APBB3: variants seen among roughly 807,000 people sequenced by gnomAD.
APBB3 encodes amyloid beta precursor protein binding family B member 3.
APBB3 carries 50 observed loss-of-function variants against 61.5 expected under a neutral mutation model. The ratio of observed to expected loss-of-function variants is 0.81; its 90% confidence interval spans 0.65 to 1.03. APBB3 has a LOEUF of 1.03. APBB3 is among the 50% of genes least tolerant of loss of function. The pLI is 0.00. For missense variants in APBB3, 550 were observed against 637.4 expected, an observed-to-expected ratio of 0.86 and a Z score of 1.48; for synonymous variants, 235 against 233.0, an observed-to-expected ratio of 1.01 and a Z score of -0.08.
rs1323796994 is a variant in APBB3, at chr5:140,558,685, T to C, written c.1361A>G (p.Lys454Arg). The C allele has an allele frequency of 6.2e-7, 1 of 1,612,324 alleles. No homozygotes were observed. Among genetic ancestry groups the C allele is most frequent in the African/African-American group, 1.3e-5 (1 of 74,714 alleles). Residue 454 changes from lysine (K) to arginine (R), a missense_variant, in exon 13 of 13, where the codon AAA becomes AGA. Physicochemically the swap from Lys to Arg is conservative, Grantham distance 26. Around this residue, in one of 3 missense-constraint regions of APBB3, gnomAD observed 138 missense variants for 132.6 expected, o/e 1.04. Transcript: ENST00000357560. ...TGCCCCTGCACCGCCAACCCCTCCT[T>C]TGAGCAGGGGGAGGGGCAGGGGACC... ...PGGPLPLPLLKGGVGGAGATP... is the reference protein window; with the variant it reads ...PGGPLPLPLLRGGVGGAGATP...
At position 140,560,163 on chromosome 5, in the gene APBB3, T is replaced by TA; in HGVS notation, c.1224+149dup. 2.5e-6 allele frequency: 2 copies of TA among 808,828 alleles called. No homozygotes were observed. The highest frequency in any genetic ancestry group is 3.8e-6 in the Non-Finnish European group (2 of 523,056). 50.1% of individuals were successfully genotyped at this position (808,828 alleles called of 1,614,324 possible). ...TAAATATTGGCAACTAATTAAAACT[T>TA]ACTAAAAACAACATGAGGGCCAAAA... On this transcript the variant is annotated intron_variant, in intron 12 of 12. Coordinates refer to ENST00000357560, the MANE Select transcript of APBB3 (RefSeq NM_133173.3). This position sits in a 1 kb window ranked among gnomAD's most constrained non-coding sequence, Gnocchi z 5.1.
chr5:140,558,485 GA>G lies in APBB3; in HGVS notation c.*99del. 8.7e-7 allele frequency: 1 copy of G among 1,147,204 alleles called. No homozygotes were observed. The highest frequency in any genetic ancestry group is 2.3e-5 in the East Asian group (1 of 42,740). 71.1% of individuals were successfully genotyped at this position (1,147,204 alleles called of 1,614,324 possible). ...GACAAGGATCGGAGGGACAGGCAGA[GA>G]AGGCTTCAAGGAGTGACAGGCTATA... On this transcript the variant is annotated 3_prime_UTR_variant, in exon 13 of 13. Coordinates refer to ENST00000357560, the MANE Select transcript of APBB3 (RefSeq NM_133173.3).
At position 140,560,697 on chromosome 5, in the gene APBB3, G is replaced by T; in HGVS notation, c.974C>A (p.Ala325Asp). The change falls in exon 11 of 13, where the codon GCC (alanine) becomes GAC (aspartate). Residue 325 changes from alanine (A) to aspartate (D), a missense_variant. By Grantham distance (126) the Ala-to-Asp change is moderately radical (BLOSUM62 -2). Transcript: ENST00000357560. This position sits in a 1 kb window ranked among gnomAD's most constrained non-coding sequence, Gnocchi z 5.1. ...CACACTGAGCATGGTGGGGACCCAGGCATTCCGGTCCCCCCTGGCGGTGAG... is the reference window on the plus strand; with the variant it reads ...CACACTGAGCATGGTGGGGACCCAGTCATTCCGGTCCCCCCTGGCGGTGAG... Reference protein sequence around the residue: ...GTLTARGDRNAWVPTMLSVSD... With the variant: ...GTLTARGDRNDWVPTMLSVSD... The T allele has an allele frequency of 6.2e-7, 1 of 1,614,186 alleles. No individual in the cohort carries two copies. Among genetic ancestry groups the T allele is most frequent in the South Asian group, 1.1e-5 (1 of 91,080 alleles).
Position 140,558,274 on chromosome 5 carries a change from CACT to C in APBB3, c.*308_*310del, listed in dbSNP as rs1257116880. 7.3e-6 allele frequency: 3 copies of C among 413,538 alleles called. No homozygotes were observed. In the Admixed American group the frequency reaches 1.3e-4, roughly 18 times the overall value. The allele number at this position is 413,538 out of a possible 1,614,324, so 25.6% of individuals were successfully genotyped here. ...CCAATATACTCACATCCAGTGAGGT[CACT>C]GAGGGATTTTTATTTGCACTGATTT... On this transcript the variant is annotated 3_prime_UTR_variant, in exon 13 of 13. Coordinates refer to ENST00000357560, the MANE Select transcript of APBB3 (RefSeq NM_133173.3).
Position 140,564,271 on chromosome 5 carries a change from C to T in APBB3, c.-26G>A, listed in dbSNP as rs2127135735. ...AACCCCGGCTGCTCCCCGCCAGCCT[C>T]TGCCGGCCCGCACTCTCAGCCCAGC... On this transcript the variant is annotated 5_prime_UTR_variant, in exon 1 of 13. Transcript: ENST00000357560. The surrounding 1 kb of genome is among the most constrained non-coding windows in gnomAD (Gnocchi z 5.0). 6.2e-7 allele frequency: 1 copy of T among 1,605,768 alleles called. No homozygotes were observed. The highest frequency in any genetic ancestry group is 1.7e-4 in the Middle Eastern group (1 of 6,060).
At chr5:140,563,399 AAACAAGAGCTTAG>A in intron 3 of APBB3, 182 bp downstream of exon 3, 1 of 670,698 alleles carries the variant, frequency 1.5e-6, no homozygotes. Context: ...ATGTAGCTAC[AAACAAGAGCTTAG>A]AACAAGGGAT....
Position 140,560,446 on chromosome 5 carries a change from A to C in APBB3, c.1091T>G (p.Phe364Cys). 1 of 1,613,954 alleles carries C rather than the reference A, an allele frequency of 6.2e-7. No homozygotes were observed. Among genetic ancestry groups the C allele is most frequent in the Non-Finnish European group, 8.5e-7 (1 of 1,179,982 alleles). ...LWQCPVRLVT[F>C]IGVGRDPHTF... The stretch of plus-strand genomic sequence containing the variant: ...GTGTGGGTCGCGGCCAACACCAATA[A>C]ATGTCACAAGGCGCACAGGGCACTG... The change falls in exon 12 of 13, where the codon TTT (phenylalanine) becomes TGT (cysteine). Residue 364 changes from phenylalanine to cysteine, a missense_variant. Physicochemically the swap from Phe to Cys is radical, Grantham distance 205. Transcript: ENST00000357560. This position sits in a 1 kb window ranked among gnomAD's most constrained non-coding sequence, Gnocchi z 5.1.
chr5:140,561,063 A>G lies in APBB3; in HGVS notation c.871T>C (p.Tyr291His), dbSNP rs1204119579. 2 of 1,613,884 alleles carry G rather than the reference A, an allele frequency of 1.2e-6. No homozygotes were observed. Among genetic ancestry groups the G allele is most frequent in the Non-Finnish European group, 1.7e-6 (2 of 1,180,046 alleles). Reference protein sequence around the residue: ...LDAVSQAAQKYEALYMGTLPV... With the variant: ...LDAVSQAAQKHEALYMGTLPV... ...AGTGTCCCCATATACAGTGCCTCGT[A>G]CTTCTGAGCAGCTTGGCTTACCGCA... is the stretch of plus-strand genomic sequence containing the variant. The change falls in exon 10 of 13, where the codon TAC becomes CAC. Residue 291 changes from tyrosine to histidine, a missense_variant. By Grantham distance (83) the Tyr-to-His change is moderately conservative. This residue lies in a region of APBB3 where 405 missense variants were observed against 483.4 expected (regional missense o/e 0.84). Transcript: ENST00000357560.
intron 5 of APBB3, 44 bp downstream of exon 5, chr5:140,562,309 G>T (rs754132038): frequency 6.2e-7 from 1 of 1,611,826 alleles, no homozygotes; most frequent in Admixed American, 1.7e-5. Flanking sequence ...AGCTACCTCT[G>T]CTGGGCCCTG....
In APBB3 at chr5:140,564,074, A is replaced by AT; in HGVS notation, c.49+122dup. Reference sequence around the variant, plus strand: ...GACATCACATGTAAAGACCGGGTTCATTCGCCCCCTGGTCCCTACACAGAG... The same window carrying AT: ...GACATCACATGTAAAGACCGGGTTCATTTCGCCCCCTGGTCCCTACACAGAG... On this transcript the variant is annotated intron_variant, in intron 1 of 12. Coordinates refer to ENST00000357560, the MANE Select transcript of APBB3 (RefSeq NM_133173.3). The surrounding 1 kb of genome is among the most constrained non-coding windows in gnomAD (Gnocchi z 5.0). 1 of 1,485,754 alleles carries AT rather than the reference A, an allele frequency of 6.7e-7. No homozygotes were observed. Among genetic ancestry groups the AT allele is most frequent in the Non-Finnish European group, 9.2e-7 (1 of 1,088,352 alleles). The allele number at this position is 1,485,754 out of a possible 1,614,324, so 92.0% of individuals were successfully genotyped here.
Position 140,562,425 on chromosome 5 carries a change from T to G in APBB3, c.426A>C (p.Ala142=), listed in dbSNP as rs755612225. Residue 142 remains alanine, a synonymous_variant, in exon 5 of 13, where the codon GCA becomes GCC. Transcript: ENST00000357560. ...EDLAPGKSSI[A]VNNCIQQLAQ... ...CCAGCTGCTGGATACAGTTATTGAC[T>G]GCAATACTGCTCTTCCCCGGTGCCA... The G allele has an allele frequency of 1.6e-5, 26 of 1,614,052 alleles. No individual in the cohort carries two copies. The highest frequency in any genetic ancestry group is 2.0e-5 in the Non-Finnish European group (24 of 1,180,032).
intron 3 of APBB3, chr5:140,562,966 A>C (rs1170291258): frequency 1.9e-6 from 1 of 525,586 alleles, no homozygotes; most frequent in Admixed American, 3.4e-5. Context: ...TCACAAGGCT[A>C]GGTGCAGTGG....
At chr5:140,562,810 GA>G (rs1462297184) in intron 3 of APBB3, 87 bp from the exon 4 acceptor site, 2 of 1,299,816 alleles carry the variant, frequency 1.5e-6, no homozygotes, top group Admixed American at 1.7e-5. Context: ...AGCACAGGAT[GA>G]GGGGCAAGAC....
At chr5:140,562,751 A>C (rs1239145042) in intron 3 of APBB3, 28 bp from the exon 4 acceptor site, 1 of 1,612,826 alleles carries the variant, frequency 6.2e-7, no homozygotes, top group South Asian at 1.1e-5. Context: ...TGTTAAGAGG[A>C]CCACATTTCC....
intron 12 of APBB3, among the ~76,000 whole-genome samples, chr5:140,559,049 T>A (rs1754832421): frequency 6.6e-6 from 1 of 152,290 alleles, no homozygotes; most frequent in Non-Finnish European, 1.5e-5. Context: ...TTTGTATAAT[T>A]CAGTTATTTA....
At position 140,558,746 on chromosome 5, in the gene APBB3, G is replaced by A. The variant is rs758829612; in HGVS notation, c.1300C>T (p.Arg434Trp). Residue 434 changes from arginine (R) to tryptophan (W), a missense_variant, in exon 13 of 13, where the codon CGG (arginine) becomes TGG (tryptophan). Around this residue, in one of 3 missense-constraint regions of APBB3, gnomAD observed 138 missense variants for 132.6 expected, o/e 1.04. Coordinates refer to ENST00000357560, the MANE Select transcript of APBB3 (RefSeq NM_133173.3). Reference protein sequence around the residue: ...AWGAQARARLRLKRTSSMDSP... With the variant: ...AWGAQARARLWLKRTSSMDSP... ...TCCATGGAGCTGGTCCGCTTGAGCC[G>A]CAGGCGGGCACGGGCCTGGGCACCC... 29 of 1,605,958 alleles carry A rather than the reference G, an allele frequency of 1.8e-5. No homozygotes were observed. Among genetic ancestry groups the A allele is most frequent in the Admixed American group, 1.2e-4 (7 of 57,188 alleles).
At position 140,561,053 on chromosome 5, in the gene APBB3, A is replaced by G. The variant is rs561699642; in HGVS notation, c.881T>C (p.Leu294Pro). ...VSQAAQKYEA[L>P]YMGTLPVTKA... ...GGTGACTGGCAGTGTCCCCATATAC[A>G]GTGCCTCGTACTTCTGAGCAGCTTG... The change falls in exon 10 of 13, where the codon CTG (leucine) becomes CCG (proline). Residue 294 changes from leucine (L) to proline (P), a missense_variant. Physicochemically the swap from Leu to Pro is moderately conservative, Grantham distance 98. Transcript: ENST00000357560. 16 of 1,613,904 alleles carry G rather than the reference A, an allele frequency of 9.9e-6. No homozygotes were observed. In the South Asian group the frequency reaches 1.6e-4, roughly 17 times the overall value.
Position 140,560,256 on chromosome 5 carries a change from A to G in APBB3, c.1224+57T>C. 6.4e-7 allele frequency: 1 copy of G among 1,568,964 alleles called. No homozygotes were observed. The highest frequency in any genetic ancestry group is 8.7e-7 in the Non-Finnish European group (1 of 1,149,046). On this transcript the variant is annotated intron_variant, in intron 12 of 12. Transcript: ENST00000357560. The surrounding 1 kb of genome is among the most constrained non-coding windows in gnomAD (Gnocchi z 5.1). ...AGGCTGCCGACCCGGAGCCCAAGTAAACAGTGGAGAGCAGCTGCAGGGCAA... is the reference window on the plus strand; with the variant it reads ...AGGCTGCCGACCCGGAGCCCAAGTAGACAGTGGAGAGCAGCTGCAGGGCAA...
chr5:140,563,838 C>A lies in APBB3; in HGVS notation c.127G>T (p.Gly43Cys). ...PGWRKIHDAA[G>C]TYYWHVPSGS... is the part of the protein sequence containing the mutation. ...CTGGGTACATGCCAGTAGTAAGTAC[C>A]TGCAGCATCGTGGATCTTCCTCCAG... is the stretch of plus-strand genomic sequence containing the variant. The change falls in exon 2 of 13, where the codon GGT becomes TGT. Residue 43 changes from glycine to cysteine, a missense_variant. Physicochemically the swap from Gly to Cys is radical, Grantham distance 159. Around this residue, in one of 3 missense-constraint regions of APBB3, gnomAD observed 405 missense variants for 483.4 expected, o/e 0.84. Coordinates refer to ENST00000357560, the MANE Select transcript of APBB3 (RefSeq NM_133173.3). 2 of 1,614,208 alleles carry A rather than the reference C, an allele frequency of 1.2e-6. No individual in the cohort carries two copies. The highest frequency in any genetic ancestry group is 2.2e-5 in the South Asian group (2 of 91,086).
Sources: gnomAD v4.1 joint callset for allele counts (sites outside exome capture counted in the v4.1 genomes callset) on GRCh38, gnomAD v4.1.1 for gene constraint, gnomAD v4.1.1 regional missense constraint, Gnocchi (gnomAD v3.1) non-coding constraint, MANE v1.5 for transcripts, NCBI Gene and HGNC (gene_info 2026-07-23, HGNC 2026-07-21) for gene names.